SMG7: variants seen among roughly 807,000 people sequenced by gnomAD.
The protein encoded by SMG7 is nonsense-mediated mRNA decay factor SMG7.
A neutral mutation model predicts 148.2 loss-of-function variants in SMG7; 34 were observed. The observed-to-expected ratio is 0.23, with a 90% CI of 0.17 to 0.31. SMG7 has a LOEUF of 0.31. Ranked by LOEUF, SMG7 falls within the 10% of genes least tolerant of loss-of-function variation. The pLI is 1.00. For missense variants in SMG7, 1,114 were observed against 1,408.4 expected, an observed-to-expected ratio of 0.79 and a Z score of 3.35; for synonymous variants, 492 against 515.1, an observed-to-expected ratio of 0.96 and a Z score of 0.61.
At chr1:183,482,581 A>G (rs1253901546) in intron 1 of SMG7, among the ~76,000 whole-genome samples, 1 of 152,136 alleles carries the variant, frequency 6.6e-6, no homozygotes, top group African/African-American at 2.4e-5. Flanking sequence ...GTGGTCAGAA[A>G]ATAGGTGAGT....
chr1:183,522,750 A>G (rs1206136106), intron 4 of SMG7, among the ~76,000 whole-genome samples: 3 of 151,426 alleles, frequency 2.0e-5, no homozygotes, highest in Non-Finnish European at 4.4e-5. Flanking sequence ...CCACAGTAAC[A>G]TTTTCTGTGA....
At chr1:183,517,000 C>A (rs1245051776) in intron 3 of SMG7, among the ~76,000 whole-genome samples, 1 of 152,142 alleles carries the variant, frequency 6.6e-6, no homozygotes, top group Non-Finnish European at 1.5e-5. Flanking sequence ...TTTTTATTCC[C>A]CACTGTGGTT....
At chr1:183,517,038 C>G (rs1246146342) in intron 3 of SMG7, among the ~76,000 whole-genome samples, 1 of 152,154 alleles carries the variant, frequency 6.6e-6, no homozygotes, top group African/African-American at 2.4e-5. Context: ...CTGTATTCAT[C>G]ATAACTGGAC....
At chr1:183,544,787 C>A in intron 15 of SMG7, 143 bp from the exon 16 acceptor site, 1 of 917,274 alleles carries the variant, frequency 1.1e-6, no homozygotes, top group Non-Finnish European at 1.7e-6. Flanking sequence ...TTCTTCAAAT[C>A]AAGTTAAAGA....
intron 17 of SMG7, among the ~76,000 whole-genome samples, chr1:183,546,547 A>G (rs1000668192): frequency 6.6e-6 from 1 of 152,200 alleles, no homozygotes; most frequent in Non-Finnish European, 1.5e-5. Context: ...ACTGATTTTG[A>G]ACTCTGATGG....
intron 1 of SMG7, among the ~76,000 whole-genome samples, chr1:183,475,578 G>C (rs958961689): frequency 3.3e-5 from 5 of 152,220 alleles, no homozygotes; most frequent in African/African-American, 9.6e-5. Flanking sequence ...ACATTAATTG[G>C]GGAGTGACTA....
At chr1:183,517,538 A>G (rs1663819317) in intron 3 of SMG7, 150 bp from the exon 4 acceptor site, 2 of 768,826 alleles carry the variant, frequency 2.6e-6, no homozygotes, top group Non-Finnish European at 2.2e-6. Flanking sequence ...AGGGAAGCAT[A>G]AAGTTATTTA....
At chr1:183,544,680 G>A (rs1209891125) in intron 15 of SMG7, among the ~76,000 whole-genome samples, 183 bp downstream of exon 15, 1 of 152,038 alleles carries the variant, frequency 6.6e-6, no homozygotes, top group African/African-American at 2.4e-5. Context: ...GTGCATGTTT[G>A]TTATTATGAA....
chr1:183,509,350 A>G (rs1360802499), intron 1 of SMG7, among the ~76,000 whole-genome samples: 2 of 152,242 alleles, frequency 1.3e-5, no homozygotes, highest in African/African-American at 4.8e-5. Flanking sequence ...ATAAGCCAAC[A>G]TTAGCTTTTT....
Position 183,527,455 on chromosome 1 carries a change from T to G in SMG7, c.485-501T>G, listed in dbSNP as rs1666079479. Among the ~76,000 whole-genome samples, 1 of 152,190 alleles carries G rather than the reference T, an allele frequency of 6.6e-6. No individual in the cohort carries two copies. Among genetic ancestry groups the G allele is most frequent in the African/African-American group, 2.4e-5 (1 of 41,450 alleles). Reference sequence around the variant, plus strand: ...GTAAGCAGTGAGTTTGGCAGGGAGATTCATTGATACTGTGTTTAGGTTGTT... The same window carrying G: ...GTAAGCAGTGAGTTTGGCAGGGAGAGTCATTGATACTGTGTTTAGGTTGTT... On this transcript the variant is annotated intron_variant, in intron 5 of 22. Transcript: ENST00000688051. The surrounding 1 kb of genome is among the most constrained non-coding windows in gnomAD (Gnocchi z 4.0).
chr1:183,489,086 C>G (rs1179267883), intron 1 of SMG7, among the ~76,000 whole-genome samples: 1 of 152,112 alleles, frequency 6.6e-6, no homozygotes, highest in East Asian at 1.9e-4. Context: ...CCGACAGAAT[C>G]CTGCACAATA....
chr1:183,552,206 G>T lies in SMG7; in HGVS notation c.*275G>T, dbSNP rs752207821. On this transcript the variant is annotated 3_prime_UTR_variant, in exon 23 of 23. Coordinates refer to ENST00000688051, the MANE Select transcript of SMG7 (RefSeq NM_001375584.1). ...TCTCACTCAGTTACTTGGTATCACC[G>T]CCTCTCACCTTCTCCATCGTGCATG... is the stretch of plus-strand genomic sequence containing the variant. The T allele has an allele frequency of 2.1e-5, 23 of 1,090,042 alleles. No homozygotes were observed. The highest frequency in any genetic ancestry group is 4.0e-5 in the South Asian group (1 of 24,970). 67.5% of individuals were successfully genotyped at this position (1,090,042 alleles called of 1,614,324 possible). A position where few individuals can be genotyped will look rare whatever the true frequency, so the allele number is the denominator to read the frequency against.
chr1:183,480,544 G>T lies in SMG7; in HGVS notation c.29+7895G>T, dbSNP rs184987402. ...CTTCCTCTGTGTGTCCCCCTCTCTTGTATCTGTCCTTCTATCCATTCCACC... is the reference window on the plus strand; with the variant it reads ...CTTCCTCTGTGTGTCCCCCTCTCTTTTATCTGTCCTTCTATCCATTCCACC... On this transcript the variant is annotated intron_variant, in intron 1 of 22. Transcript: ENST00000688051. 2.0e-5 allele frequency among the ~76,000 whole-genome samples: 3 copies of T among 151,748 alleles called. No homozygotes were observed. The East Asian group carries it at 5.8e-4, about 29-fold the overall frequency.
chr1:183,552,888 C>T lies in SMG7; in HGVS notation c.*957C>T. On this transcript the variant is annotated 3_prime_UTR_variant, in exon 23 of 23. Coordinates refer to ENST00000688051, the MANE Select transcript of SMG7 (RefSeq NM_001375584.1). Reference sequence around the variant, plus strand: ...TGCCCCCATTCTACTTCCCACCCTCCTGCCCCATCTCCATCCCTTCTTTTA... The same window carrying T: ...TGCCCCCATTCTACTTCCCACCCTCTTGCCCCATCTCCATCCCTTCTTTTA... 3 of 1,465,290 alleles carry T rather than the reference C, an allele frequency of 2.0e-6. No individual in the cohort carries two copies. The highest frequency in any genetic ancestry group is 2.7e-6 in the Non-Finnish European group (3 of 1,111,258). 90.8% of individuals were successfully genotyped at this position (1,465,290 alleles called of 1,614,324 possible). A position where few individuals can be genotyped will look rare whatever the true frequency, so the allele number is the denominator to read the frequency against.
At chr1:183,472,730 C>T (rs1203347714) in intron 1 of SMG7, 81 bp downstream of exon 1, 2 of 1,244,042 alleles carry the variant, frequency 1.6e-6, no homozygotes, top group Non-Finnish European at 2.1e-6. Flanking sequence ...GAGGTAAGTC[C>T]GGGGTGGCGG....
At chr1:183,541,334 A>G (rs916891675) in intron 13 of SMG7, among the ~76,000 whole-genome samples, 4 of 152,230 alleles carry the variant, frequency 2.6e-5, no homozygotes, top group African/African-American at 7.2e-5. Context: ...CCTATTGTGT[A>G]TTACAGAGGT....
At position 183,547,191 on chromosome 1, in the gene SMG7, C is replaced by T; in HGVS notation, c.2831C>T (p.Pro944Leu). The change falls in exon 18 of 23, where the codon CCT (proline) becomes CTT (leucine). Residue 944 changes from proline to leucine, a missense_variant. By Grantham distance (98) the Pro-to-Leu change is moderately conservative (BLOSUM62 -3). This residue lies in a region of SMG7 where 788 missense variants were observed against 894.5 expected (regional missense o/e 0.88). Coordinates refer to ENST00000688051, the MANE Select transcript of SMG7 (RefSeq NM_001375584.1). ...GAGGAAGAGCTGATTTTTTCTAACC[C>T]TCCTGATCTTTACCCGGCTCTGCTG... is the stretch of plus-strand genomic sequence containing the variant. ...EEEEELIFSN[P>L]PDLYPALLGP... 4 of 1,550,414 alleles carry T rather than the reference C, an allele frequency of 2.6e-6. No individual in the cohort carries two copies. The highest frequency in any genetic ancestry group is 3.5e-6 in the Non-Finnish European group (4 of 1,146,900).
chr1:183,538,630 A>G (rs983537108), intron 12 of SMG7, among the ~76,000 whole-genome samples, 190 bp downstream of exon 12: 3 of 152,288 alleles, frequency 2.0e-5, no homozygotes, highest in South Asian at 4.1e-4. Flanking sequence ...CTGTGTAATA[A>G]AAATTAAAAT....
chr1:183,542,320 C>T lies in SMG7; in HGVS notation c.1660C>T (p.Arg554Ter). 2 of 1,613,928 alleles carry T rather than the reference C, an allele frequency of 1.2e-6. No individual in the cohort carries two copies. The highest frequency in any genetic ancestry group is 8.5e-7 in the Non-Finnish European group (1 of 1,179,946). Residue 554 changes from arginine (R) to a stop codon, truncating the protein, a stop_gained, in exon 14 of 23, where the codon CGA becomes TGA. Transcript: ENST00000688051. LOFTEE classifies it high-confidence loss of function. ...VVTFKENIKT[R>*]EVNRDQGRSF... is the part of the protein sequence containing the mutation. ...TACCTTCAAAGAAAACATTAAGACA[C>T]GAGAAGTGAACAGAGACCAAGGAAG... is the stretch of plus-strand genomic sequence containing the variant.
Sources: allele counts gnomAD v4.1 joint callset (sites outside exome capture counted in the v4.1 genomes callset), GRCh38; gene constraint gnomAD v4.1.1; regional missense constraint gnomAD v4.1.1; non-coding constraint Gnocchi (gnomAD v3.1); transcripts MANE v1.5; gene names NCBI Gene and HGNC (gene_info 2026-07-23, HGNC 2026-07-21).